The following JAK2 variants were observed in gnomAD, a reference collection of about 807,000 sequenced individuals.
JAK2 encodes Janus kinase 2.
A neutral mutation model predicts 139.3 loss-of-function variants in JAK2; 86 were observed. The ratio of observed to expected loss-of-function variants is 0.62; its 90% CI spans 0.52 to 0.74. The LOEUF (loss-of-function observed/expected upper bound fraction) is 0.74, where lower values mean the gene tolerates loss of function less well. Ranked by LOEUF, JAK2 falls within the 30% of genes least tolerant of loss-of-function variation. The pLI, the probability that JAK2 is intolerant of heterozygous loss-of-function variation, is 0.00. For missense variants in JAK2, 1,421 were observed against 1,360.3 expected (o/e 1.04, Z -0.70); for synonymous variants, 490 against 437.7 (o/e 1.12, Z -1.49).
In JAK2 at chr9:5,126,777, A is replaced by T. The variant is rs1257354847; in HGVS notation, c.3385A>T (p.Asn1129Tyr). The T allele has an allele frequency of 6.2e-7, 1 of 1,604,316 alleles. No homozygotes were observed. The highest frequency in any genetic ancestry group is 1.7e-5 in the Admixed American group (1 of 59,102). Residue 1129 changes from asparagine to tyrosine, a missense_variant, in exon 25 of 25, where the codon AAC becomes TAC. Transcript: ENST00000381652. ...LALRVDQIRD[N>Y]MAG ...TCTTCGAGTGGATCAAATAAGGGAT[A>T]ACATGGCTGGATGAAAGAAATGACC...
chr9:5,054,709 A>ATT lies in JAK2; in HGVS notation c.762_763insTT (p.Leu255PhefsTer3). On this transcript the variant is annotated frameshift_variant, in exon 7 of 25. Coordinates refer to ENST00000381652, the MANE Select transcript of JAK2 (RefSeq NM_004972.4). LOFTEE classifies it high-confidence loss of function. The surrounding 1 kb of genome is among the most constrained non-coding windows in gnomAD (Gnocchi z 4.9). The stretch of plus-strand genomic sequence containing the variant: ...ACTGCCAGAAACTTGAAACTTAAGT[A>ATT]TCTTATAAATCTGGAAACTCTGCAG... 6.2e-7 allele frequency: 1 copy of ATT among 1,613,388 alleles called. No homozygotes were observed.
In JAK2 at chr9:5,054,037, GT is replaced by G; in HGVS notation, c.615-522del. On this transcript the variant is annotated intron_variant, in intron 6 of 24. Transcript: ENST00000381652. This position sits in a 1 kb window ranked among gnomAD's most constrained non-coding sequence, Gnocchi z 4.9. ...AGTCAGAATATTTCTAAATGGAATT[GT>G]TTTGATCACAAAGGAATTATTAGGA... Among the ~76,000 whole-genome samples, 2 of 152,130 alleles carry G rather than the reference GT, an allele frequency of 1.3e-5. No homozygotes were observed. The highest frequency in any genetic ancestry group is 4.1e-4 in the South Asian group (2 of 4,830).
intron 3 of JAK2, 105 bp downstream of exon 3, chr9:5,022,318 CT>C (rs1822483821): frequency 1.5e-6 from 1 of 674,616 alleles, no homozygotes; most frequent in African/African-American, 1.8e-5. Flanking sequence ...TTTTTTAATG[CT>C]TGTATGGCTG....
At chr9:4,992,400 T>G (rs1820306893) in intron 2 of JAK2, among the ~76,000 whole-genome samples, 1 of 152,210 alleles carries the variant, frequency 6.6e-6, no homozygotes, top group Admixed American at 6.5e-5. Context: ...GTCAGAAGCC[T>G]GTCCAGATTT....
At chr9:5,117,881 T>A (rs1169526913) in intron 22 of JAK2, among the ~76,000 whole-genome samples, 1 of 152,114 alleles carries the variant, frequency 6.6e-6, no homozygotes, top group East Asian at 1.9e-4. Flanking sequence ...AATTAGATTT[T>A]ATGAGGATCT....
chr9:5,101,702 G>GGCTGTTCTGCAATATTT (rs1219121257), intron 22 of JAK2, among the ~76,000 whole-genome samples: 1 of 152,186 alleles, frequency 6.6e-6, no homozygotes, highest in African/African-American at 2.4e-5. Context: ...CAGCAACATT[G>GGCTGTTCTGCAATATTT]GCTGTTCTGC....
At chr9:5,041,294 A>C in intron 4 of JAK2, 1 of 912,762 alleles carries the variant, frequency 1.1e-6, no homozygotes, top group Non-Finnish European at 1.7e-6. Context: ...CACTGGTCTC[A>C]GGACCAAGAA....
intron 19 of JAK2, among the ~76,000 whole-genome samples, chr9:5,087,436 A>C (rs192021158): frequency 2.0e-5 from 3 of 152,342 alleles, no homozygotes; most frequent in East Asian, 3.9e-4. Flanking sequence ...TTTACAATTC[A>C]AGATGAGATT....
At chr9:5,073,594 T>C in intron 13 of JAK2, 104 bp from the exon 14 acceptor site, 2 of 847,702 alleles carry the variant, frequency 2.4e-6, no homozygotes, top group South Asian at 1.5e-5. Context: ...ATAGTCATGC[T>C]GAAAGTAGGA....
rs553149144 is a variant in JAK2 at position 5,104,708 on chromosome 9, C to A, written c.3059+13797C>A. On this transcript the variant is annotated intron_variant, in intron 22 of 24. Transcript: ENST00000381652. ...AGCAGCACATCCAAAAGCTTATCAACCACGATCAAGTCGGCTTCATCCCTA... is the reference window on the plus strand; with the variant it reads ...AGCAGCACATCCAAAAGCTTATCAAACACGATCAAGTCGGCTTCATCCCTA... 7.2e-5 allele frequency among the ~76,000 whole-genome samples: 11 copies of A among 152,328 alleles called. 1 individual carries two copies. The South Asian group carries it at 1.9e-3, about 26-fold the overall frequency.
intron 3 of JAK2, among the ~76,000 whole-genome samples, chr9:5,024,400 C>G (rs896037989): frequency 3.9e-5 from 6 of 152,218 alleles, no homozygotes; most frequent in South Asian, 2.1e-4. Context: ...CTCTTTCAGT[C>G]TTTGCAGATT....
intron 5 of JAK2, among the ~76,000 whole-genome samples, chr9:5,045,270 G>C (rs986499653): frequency 6.6e-6 from 1 of 152,118 alleles, no homozygotes; most frequent in Non-Finnish European, 1.5e-5. Context: ...TGCTAATATT[G>C]TAGGAAACAA....
Position 5,089,815 on chromosome 9 carries a change from C to G in JAK2, c.2713C>G (p.Leu905Val), listed in dbSNP as rs1329148344. 6.3e-7 allele frequency: 1 copy of G among 1,593,130 alleles called. No homozygotes were observed. Among genetic ancestry groups the G allele is most frequent in the Non-Finnish European group, 8.5e-7 (1 of 1,170,172 alleles). Residue 905 changes from leucine to valine, a missense_variant, in exon 20 of 25, where the codon CTA becomes GTA. Transcript: ENST00000381652. ...AAGGGAAATTGAAATCCTGAAATCC[C>G]TACAGCATGACAACATTGTAAAGTA... ...FEREIEILKS[L>V]QHDNIVKYKG...
intron 22 of JAK2, among the ~76,000 whole-genome samples, chr9:5,095,748 C>A (rs1034824446): frequency 6.6e-6 from 1 of 152,158 alleles, no homozygotes; most frequent in Non-Finnish European, 1.5e-5. Context: ...AAACACAATT[C>A]TGCAAAATCT....
chr9:5,108,639 G>A (rs931619101), intron 22 of JAK2: 1 of 151,974 alleles, frequency 6.6e-6, no homozygotes, highest in Non-Finnish European at 1.5e-5. Flanking sequence ...AAAACTAGGC[G>A]GCTGCGGTAT....
At chr9:5,088,796 C>T (rs190576615) in intron 19 of JAK2, among the ~76,000 whole-genome samples, 11 of 152,344 alleles carry the variant, frequency 7.2e-5, no homozygotes, top group African/African-American at 2.6e-4. Flanking sequence ...TCTAATGTCT[C>T]TTCCTCTTAT....
In JAK2 at chr9:5,006,775, A is replaced by T. The variant is rs551998199; in HGVS notation, c.-25-15188A>T. On this transcript the variant is annotated intron_variant, in intron 2 of 24. Coordinates refer to ENST00000381652, the MANE Select transcript of JAK2 (RefSeq NM_004972.4). ...TCACCAGGCCACTCCTCTAACACTG[A>T]AGATCATAATTCAACATGAGATTTG... Among the ~76,000 whole-genome samples the T allele has an allele frequency of 3.3e-5, 5 of 152,328 alleles. No homozygotes were observed. In the East Asian group the frequency reaches 9.6e-4, roughly 29 times the overall value.
chr9:5,088,011 T>G (rs746307681), intron 19 of JAK2, among the ~76,000 whole-genome samples: 13 of 152,214 alleles, frequency 8.5e-5, no homozygotes, highest in Non-Finnish European at 1.9e-4. Context: ...CATTGTTAAG[T>G]AGAGGGGAAG....
chr9:5,077,522 T>A lies in JAK2; in HGVS notation c.1934T>A (p.Ile645Lys). ...DTYLKKNKNC[I>K]NILWKLEVAK... The stretch of plus-strand genomic sequence containing the variant: ...TATCTGAAAAAGAATAAAAATTGTA[T>A]AAATATATTATGGAAACTTGAAGTT... Residue 645 changes from isoleucine to lysine, a missense_variant, in exon 15 of 25, where the codon ATA becomes AAA. Transcript: ENST00000381652. The A allele has an allele frequency of 6.8e-7, 1 of 1,477,556 alleles. No individual in the cohort carries two copies. The highest frequency in any genetic ancestry group is 1.5e-5 in the South Asian group (1 of 68,858). 91.5% of individuals were successfully genotyped at this position (1,477,556 alleles called of 1,614,324 possible). A position where few individuals can be genotyped will look rare whatever the true frequency, so the allele number is the denominator to read the frequency against.
Sources: gnomAD v4.1 joint callset for allele counts (sites outside exome capture counted in the v4.1 genomes callset) on GRCh38, gnomAD v4.1.1 for gene constraint, Gnocchi (gnomAD v3.1) non-coding constraint, MANE v1.5 for transcripts, NCBI Gene and HGNC (gene_info 2026-07-23, HGNC 2026-07-21) for gene names.